Variants in GALNTL6 observed in about 807,000 individuals in gnomAD.
GALNTL6 encodes the protein polypeptide N-acetylgalactosaminyltransferase like 6.
In GALNTL6, 46 loss-of-function variants were observed where a neutral mutation model predicts 73.7. The ratio of observed to expected loss-of-function variants is 0.62; its 90% CI spans 0.49 to 0.80. The LOEUF (loss-of-function observed/expected upper bound fraction) is 0.80. Among genes scored for constraint, GALNTL6 ranks in the 30% least tolerant of loss-of-function variants. GALNTL6 has a pLI of 0.00. For missense variants in GALNTL6, 604 were observed against 755.0 expected (o/e 0.80, Z 2.34); for synonymous variants, 259 against 263.7 (o/e 0.98, Z 0.17).
intron 5 of GALNTL6, among the ~76,000 whole-genome samples, chr4:172,622,982 A>G (rs555398686): frequency 2.6e-5 from 4 of 152,340 alleles, no homozygotes; most frequent in African/African-American, 7.2e-5. Context: ...TAGTTCACTA[A>G]GAGATTTAAG....
intron 5 of GALNTL6, among the ~76,000 whole-genome samples, chr4:172,375,891 T>A (rs1743011425): frequency 6.6e-6 from 1 of 152,142 alleles, no homozygotes; most frequent in African/African-American, 2.4e-5. Context: ...ATAAAGATGT[T>A]ATGCCCCAAA....
intron 11 of GALNTL6, among the ~76,000 whole-genome samples, chr4:173,011,840 T>C (rs1752566588): frequency 6.6e-6 from 1 of 152,234 alleles, no homozygotes; most frequent in Non-Finnish European, 1.5e-5. Context: ...GCTTCCCTGA[T>C]ACTGTGTCAC....
intron 5 of GALNTL6, among the ~76,000 whole-genome samples, chr4:172,764,263 A>AT (rs1303907889): frequency 6.6e-6 from 1 of 152,160 alleles, no homozygotes; most frequent in Admixed American, 6.5e-5. Context: ...GGCCAGTGTT[A>AT]TTTTTTTCTA....
chr4:171,926,459 T>A (rs56407550), intron 2 of GALNTL6, among the ~76,000 whole-genome samples: 33,684 of 152,016 alleles, frequency 0.22, 3,979 homozygotes, highest in Middle Eastern at 0.29. Flanking sequence ...TGTACATGTC[T>A]CTTTGTGTAT....
intron 2 of GALNTL6, among the ~76,000 whole-genome samples, chr4:171,943,900 C>A (rs1166814092): frequency 7.9e-6 from 1 of 126,860 alleles, no homozygotes; most frequent in Non-Finnish European, 1.7e-5. Flanking sequence ...GACTAGAATG[C>A]AAAGGTGGTA....
intron 10 of GALNTL6, among the ~76,000 whole-genome samples, chr4:172,975,567 T>C (rs1292259385): frequency 1.3e-5 from 2 of 152,144 alleles, no homozygotes; most frequent in Non-Finnish European, 2.9e-5. Context: ...AGGGAGTCCC[T>C]GGTTTGAAGG....
intron 5 of GALNTL6, among the ~76,000 whole-genome samples, chr4:172,521,065 C>T (rs1307918626): frequency 1.3e-5 from 2 of 152,102 alleles, no homozygotes; most frequent in Non-Finnish European, 2.9e-5. Context: ...TGTATATTTT[C>T]TCAGAATTCA....
intron 2 of GALNTL6, among the ~76,000 whole-genome samples, chr4:172,219,110 A>G (rs2110943574): frequency 7.8e-6 from 1 of 128,648 alleles, no homozygotes; most frequent in African/African-American, 2.9e-5. Context: ...AAGGCAGATA[A>G]ATATATGTTA....
chr4:172,877,964 T>C (rs1187372505), intron 7 of GALNTL6, among the ~76,000 whole-genome samples: 1 of 151,986 alleles, frequency 6.6e-6, no homozygotes, highest in Non-Finnish European at 1.5e-5. Flanking sequence ...AAGAATATTT[T>C]GCAAGAAAAC....
chr4:171,987,793 C>A (rs1393434842), intron 2 of GALNTL6, among the ~76,000 whole-genome samples: 3 of 151,952 alleles, frequency 2.0e-5, no homozygotes, highest in African/African-American at 7.3e-5. Flanking sequence ...ATAAATCAAG[C>A]GTGATCAGGG....
intron 2 of GALNTL6, among the ~76,000 whole-genome samples, chr4:172,228,350 T>C (rs1736938797): frequency 1.3e-5 from 2 of 152,134 alleles, no homozygotes; most frequent in Admixed American, 1.3e-4. Context: ...ACCAATATTA[T>C]GAGCAACAAA....
At chr4:172,259,422 A>G (rs1738181984) in intron 3 of GALNTL6, among the ~76,000 whole-genome samples, 1 of 144,252 alleles carries the variant, frequency 6.9e-6, no homozygotes, top group Admixed American at 6.9e-5. Context: ...TTTTCTATTC[A>G]TGTCTTTTAC....
At chr4:172,084,810 T>G (rs909034576) in intron 2 of GALNTL6, among the ~76,000 whole-genome samples, 7 of 152,118 alleles carry the variant, frequency 4.6e-5, no homozygotes, top group African/African-American at 9.7e-5. Context: ...CACATAAAAT[T>G]TACATTTACT....
At chr4:171,833,681 G>A (rs754478212) in intron 2 of GALNTL6, among the ~76,000 whole-genome samples, 7 of 151,668 alleles carry the variant, frequency 4.6e-5, no homozygotes, top group Non-Finnish European at 8.9e-5. Context: ...TATAATGTCC[G>A]ATTTCTGTAT....
chr4:172,230,179 G>A lies in GALNTL6; in HGVS notation c.247+415G>A, dbSNP rs140000141. Among the ~76,000 whole-genome samples, 227 of 152,184 alleles carry A rather than the reference G, an allele frequency of 1.5e-3. 4 individuals are homozygous for A. Among genetic ancestry groups the A allele is most frequent in the Admixed American group, 0.012 (190 of 15,278 alleles). On this transcript the variant is annotated intron_variant, in intron 3 of 12. Transcript: ENST00000506823. ...CAATGTTTCTAGACACTGGCGGGAC[G>A]TACAGCAAGCCAGCAGGTCAAGCAG...
Position 172,120,527 on chromosome 4 carries a change from C to T in GALNTL6, c.139-109129C>T, listed in dbSNP as rs145540311. On this transcript the variant is annotated intron_variant, in intron 2 of 12. Transcript: ENST00000506823. ...AGAATCATCTCTTCATCCCCATATC[C>T]TTGACTTGACCACATCTGCAAAGTT... Among the ~76,000 whole-genome samples the T allele has an allele frequency of 1.6e-3, 251 of 152,158 alleles. 1 individual carries two copies. Among genetic ancestry groups the T allele is most frequent in the African/African-American group, 5.5e-3 (227 of 41,520 alleles).
intron 2 of GALNTL6, among the ~76,000 whole-genome samples, chr4:172,175,126 G>A (rs982869617): frequency 1.3e-5 from 2 of 151,484 alleles, no homozygotes; most frequent in Non-Finnish European, 2.9e-5. Context: ...ACTCAGGCTG[G>A]AGTACAGTGG....
At chr4:172,142,272 G>A (rs1733822428) in intron 2 of GALNTL6, among the ~76,000 whole-genome samples, 1 of 151,976 alleles carries the variant, frequency 6.6e-6, no homozygotes, top group Admixed American at 6.6e-5. Context: ...TTGAGTACAC[G>A]TCATGCTGTT....
intron 5 of GALNTL6, among the ~76,000 whole-genome samples, chr4:172,571,255 G>C (rs1400053229): frequency 6.6e-6 from 1 of 152,114 alleles, no homozygotes; most frequent in Non-Finnish European, 1.5e-5. Flanking sequence ...AGCAAGCCAG[G>C]CTATTTTATT....
Sources: allele counts gnomAD v4.1 joint callset (sites outside exome capture counted in the v4.1 genomes callset), GRCh38; gene constraint gnomAD v4.1.1; transcripts MANE v1.5; gene names NCBI Gene and HGNC (gene_info 2026-07-23, HGNC 2026-07-21).